Variants in PXDN observed in about 807,000 individuals in gnomAD.
The protein encoded by PXDN is peroxidasin.
A neutral mutation model predicts 140.3 loss-of-function variants in PXDN; 77 were observed. The observed-to-expected ratio is 0.55, with a 90% confidence interval of 0.46 to 0.66. The LOEUF (loss-of-function observed/expected upper bound fraction) is 0.66. PXDN is among the 30% of genes least tolerant of loss of function. PXDN has a pLI of 0.00. For synonymous variants in PXDN, 911 were observed against 857.4 expected (o/e 1.06, Z -1.09); for missense variants, 1,838 against 2,039.5 (o/e 0.90, Z 1.90).
chr2:1,669,313 A>G (rs2125430714), intron 9 of PXDN, among the ~76,000 whole-genome samples: 1 of 152,226 alleles, frequency 6.6e-6, no homozygotes, highest in African/African-American at 2.4e-5. Context: ...GGTTGGGGGA[A>G]AGGGGACAGA....
At chr2:1,705,573 C>G (rs1163376648) in intron 1 of PXDN, among the ~76,000 whole-genome samples, 1 of 133,538 alleles carries the variant, frequency 7.5e-6, no homozygotes, top group Admixed American at 7.5e-5. Context: ...GGATGCAGCT[C>G]CCCATGACCT....
intron 17 of PXDN, among the ~76,000 whole-genome samples, chr2:1,647,936 G>A (rs535797868): frequency 7.9e-5 from 12 of 152,192 alleles, no homozygotes; most frequent in Admixed American, 1.3e-4. Flanking sequence ...GAACAAAACA[G>A]GCCGGTGGAA....
intron 1 of PXDN, among the ~76,000 whole-genome samples, chr2:1,731,671 C>A (rs890849037): frequency 6.6e-6 from 1 of 152,174 alleles, no homozygotes; most frequent in Non-Finnish European, 1.5e-5. Context: ...GGAGACAGAT[C>A]GGCCTGACAC....
At chr2:1,650,709 G>A (rs888888388) in intron 16 of PXDN, among the ~76,000 whole-genome samples, 2 of 151,884 alleles carry the variant, frequency 1.3e-5, no homozygotes, top group Admixed American at 6.6e-5. Context: ...ACACATGCAC[G>A]CTTAAATGTT....
rs1326789490 is a variant in PXDN, at chr2:1,744,283, G to A, written c.173C>T (p.Pro58Leu). ...GATGGAGGTCTGCGGCGCCACGGCG[G>A]GCACGGCCTCCAGCAGCAGATGCAT... ...RCMHLLLEAV[P>L]AVAPQTSILD... Residue 58 changes from proline to leucine, a missense_variant, in exon 1 of 23, where the codon CCC becomes CTC. This residue lies in a region of PXDN where 231 missense variants were observed against 201.5 expected (regional missense o/e 1.15). Coordinates refer to ENST00000252804, the MANE Select transcript of PXDN (RefSeq NM_012293.3). The A allele has an allele frequency of 2.6e-6, 4 of 1,520,062 alleles. No individual in the cohort carries two copies. Among genetic ancestry groups the A allele is most frequent in the South Asian group, 2.4e-5 (2 of 82,408 alleles). The allele number at this position is 1,520,062 out of a possible 1,614,324, so 94.2% of individuals were successfully genotyped here. A position where few individuals can be genotyped will look rare whatever the true frequency, so the allele number is the denominator to read the frequency against.
intron 10 of PXDN, among the ~76,000 whole-genome samples, chr2:1,665,523 T>A (rs958159252): frequency 1.3e-5 from 2 of 152,230 alleles, no homozygotes; most frequent in African/African-American, 4.8e-5. Context: ...CTGGTATGAT[T>A]CCATTTTTAT....
intron 1 of PXDN, among the ~76,000 whole-genome samples, chr2:1,699,538 G>A (rs1375077030): frequency 1.3e-5 from 2 of 152,054 alleles, no homozygotes; most frequent in African/African-American, 2.4e-5. Context: ...GTGAAACCCC[G>A]TTTCTATTAA....
At chr2:1,653,955 A>G (rs1572129269) in intron 15 of PXDN, 170 bp from the exon 16 acceptor site, 1 of 775,762 alleles carries the variant, frequency 1.3e-6, no homozygotes, top group East Asian at 2.8e-5. Context: ...ACAAAAACAA[A>G]ACAAACAGAC....
At chr2:1,726,472 T>A (rs1187345301) in intron 1 of PXDN, among the ~76,000 whole-genome samples, 2 of 151,090 alleles carry the variant, frequency 1.3e-5, no homozygotes, top group Non-Finnish European at 2.9e-5. Flanking sequence ...GAGATATACC[T>A]AATGCTAAAT....
intron 9 of PXDN, among the ~76,000 whole-genome samples, chr2:1,667,583 T>A (rs1449829530): frequency 6.6e-6 from 1 of 152,110 alleles, no homozygotes; most frequent in East Asian, 1.9e-4. Flanking sequence ...CTCCTTAAGC[T>A]TATAAACAAC....
intron 1 of PXDN, among the ~76,000 whole-genome samples, chr2:1,734,726 G>A (rs1685392206): frequency 6.6e-6 from 1 of 152,148 alleles, no homozygotes; most frequent in Admixed American, 6.5e-5. Flanking sequence ...AATTAGCTGG[G>A]CATGGTGGCG....
chr2:1,690,697 G>T (rs183673587), intron 3 of PXDN, among the ~76,000 whole-genome samples: 7 of 146,480 alleles, frequency 4.8e-5, no homozygotes, highest in Admixed American at 4.8e-4. Flanking sequence ...TAAAAGGCCT[G>T]CCTCTCATTT....
intron 1 of PXDN, among the ~76,000 whole-genome samples, chr2:1,735,112 A>T (rs181267012): frequency 6.6e-6 from 1 of 152,260 alleles, no homozygotes; most frequent in Non-Finnish European, 1.5e-5. Context: ...CAATTCTCTC[A>T]TATCTTCAGA....
chr2:1,672,930 G>T (rs558282676), intron 9 of PXDN, among the ~76,000 whole-genome samples: 1 of 152,160 alleles, frequency 6.6e-6, no homozygotes. Context: ...CGACTCTACC[G>T]GCTTCTGCAC....
chr2:1,735,812 C>T (rs1402799105), intron 1 of PXDN, among the ~76,000 whole-genome samples: 1 of 152,174 alleles, frequency 6.6e-6, no homozygotes. Context: ...TGAAGCCAGG[C>T]AATGACTTCT....
At position 1,639,401 on chromosome 2, in the gene PXDN, A is replaced by ACCG. The variant is rs764189367; in HGVS notation, c.3973_3974insCGG (p.Phe1325delinsSerVal). On this transcript the variant is annotated protein_altering_variant, in exon 20 of 23. Transcript: ENST00000252804. The surrounding 1 kb of genome is among the most constrained non-coding windows in gnomAD (Gnocchi z 5.0). ...TCGGAAATGATAGGAAAAGGCATTGAACTGCCCCCTGGTCCTACAGTCTAA... is the reference window on the plus strand; with the variant it reads ...TCGGAAATGATAGGAAAAGGCATTGACCGACTGCCCCCTGGTCCTACAGTCTAA... 3 of 1,613,986 alleles carry ACCG rather than the reference A, an allele frequency of 1.9e-6. No homozygotes were observed. The highest frequency in any genetic ancestry group is 2.5e-6 in the Non-Finnish European group (3 of 1,179,866).
At chr2:1,716,378 C>T (rs771831761) in intron 1 of PXDN, among the ~76,000 whole-genome samples, 2 of 128,166 alleles carry the variant, frequency 1.6e-5, no homozygotes, top group Non-Finnish European at 1.6e-5. Context: ...GTGGAGGTTG[C>T]GGTGAGCCGA....
intron 9 of PXDN, among the ~76,000 whole-genome samples, chr2:1,668,498 C>T (rs1470711739): frequency 6.6e-6 from 1 of 151,952 alleles, no homozygotes. Flanking sequence ...AAGAAACTAT[C>T]GTCAGAGTGA....
In PXDN at chr2:1,639,571, C is replaced by T. The variant is rs1240680931; in HGVS notation, c.3953-149G>A. On this transcript the variant is annotated intron_variant, in intron 19 of 22. Transcript: ENST00000252804. This position sits in a 1 kb window ranked among gnomAD's most constrained non-coding sequence, Gnocchi z 5.0. ...GTGAGGCAACCTGGCAGCTGGTCTG[C>T]GGCTCTTACCCTCTCCTGGTCTGAG... 1.5e-5 allele frequency: 18 copies of T among 1,168,602 alleles called. No homozygotes were observed. Among genetic ancestry groups the T allele is most frequent in the South Asian group, 2.9e-5 (2 of 68,820 alleles). 72.4% of individuals were successfully genotyped at this position (1,168,602 alleles called of 1,614,324 possible). A position where few individuals can be genotyped will look rare whatever the true frequency, so the allele number is the denominator to read the frequency against.
Sources: gnomAD v4.1 joint callset for allele counts (sites outside exome capture counted in the v4.1 genomes callset) on GRCh38, gnomAD v4.1.1 for gene constraint, gnomAD v4.1.1 regional missense constraint, Gnocchi (gnomAD v3.1) non-coding constraint, MANE v1.5 for transcripts, NCBI Gene and HGNC (gene_info 2026-07-23, HGNC 2026-07-21) for gene names.